Variants in GPR19 observed in about 807,000 individuals in gnomAD.
GPR19 encodes the protein G protein-coupled receptor 19.
GPR19 carries 14 observed loss-of-function variants against 28.5 expected under a neutral mutation model. The observed-to-expected ratio is 0.49, with a 90% CI of 0.32 to 0.77. The LOEUF (loss-of-function observed/expected upper bound fraction) is 0.77. Ranked by LOEUF, GPR19 falls within the 30% of genes least tolerant of loss-of-function variation. The pLI is 0.03. For missense variants in GPR19, 409 were observed against 504.1 expected (o/e 0.81, Z 1.81); for synonymous variants, 173 against 184.1 (o/e 0.94, Z 0.49).
At chr12:12,694,491 C>G (rs11615390) in intron 2 of GPR19, among the ~76,000 whole-genome samples, 1 of 151,930 alleles carries the variant, frequency 6.6e-6, no homozygotes, top group African/African-American at 2.4e-5. Flanking sequence ...CAGGCGTGAG[C>G]TACCGCGCCT....
In GPR19 at chr12:12,662,411, T is replaced by C. The variant is rs1945693001; in HGVS notation, c.38A>G (p.His13Arg). Residue 13 changes from histidine to arginine, a missense_variant, in exon 4 of 4, where the codon CAT becomes CGT. Physicochemically the swap from His to Arg is conservative, Grantham distance 29 (BLOSUM62 0). Coordinates refer to ENST00000651487, the MANE Select transcript of GPR19 (RefSeq NM_006143.3). ...CACCAGAAGTGTAGGAATAATCAAA[T>C]GTGGCTTGCTGTTATCCATTCTGTG... ...FAHRMDNSKPHLIIPTLLVPL... is the reference protein window; with the variant it reads ...FAHRMDNSKPRLIIPTLLVPL... 5 of 1,614,064 alleles carry C rather than the reference T, an allele frequency of 3.1e-6. No individual in the cohort carries two copies. The Admixed American group carries it at 8.3e-5, about 27-fold the overall frequency.
the GPR19 span, chr12:12,715,236 T>A: frequency 6.6e-6 from 1 of 152,232 alleles, no homozygotes. Context: ...ATTATCTAAT[T>A]TCTAGGGTAA....
upstream of GPR19, among the ~76,000 whole-genome samples, chr12:12,700,410 T>C: frequency 6.6e-6 from 1 of 152,112 alleles, no homozygotes; most frequent in Admixed American, 6.6e-5. Flanking sequence ...ATGTTTCCCA[T>C]ATGATGTTGC....
chr12:12,697,222 T>C (rs1946280296), upstream of GPR19, among the ~76,000 whole-genome samples: 1 of 136,026 alleles, frequency 7.4e-6, no homozygotes, highest in South Asian at 2.4e-4. Flanking sequence ...CTAGAAGCAT[T>C]AACCCAAGAA....
At chr12:12,714,753 C>T in the GPR19 span, among the ~76,000 whole-genome samples, 12 of 152,318 alleles carry the variant, frequency 7.9e-5, no homozygotes, top group South Asian at 2.5e-3. Flanking sequence ...TCTCTACGCT[C>T]CCTGTTCCTT....
the GPR19 span, among the ~76,000 whole-genome samples, chr12:12,711,863 G>A: frequency 2.0e-5 from 3 of 152,098 alleles, no homozygotes; most frequent in African/African-American, 7.2e-5. Context: ...AGCTACCTAA[G>A]TAACCACCCT....
At chr12:12,713,057 CTTTTTTTTTTTT>C in the GPR19 span, among the ~76,000 whole-genome samples, 2 of 108,088 alleles carry the variant, frequency 1.9e-5, no homozygotes, top group Non-Finnish European at 1.8e-5. Context: ...ATCTGATGCG[CTTTTTTTTTTTT>C]TTTTTTTTTT....
the GPR19 span, chr12:12,717,041 G>A: frequency 7.0e-6 from 7 of 1,005,186 alleles, no homozygotes; most frequent in African/African-American, 1.2e-4. Flanking sequence ...GCGCCGCGGC[G>A]AACCCGCCAA....
chr12:12,706,278 G>A, the GPR19 span, among the ~76,000 whole-genome samples: 3 of 152,034 alleles, frequency 2.0e-5, no homozygotes, highest in Non-Finnish European at 4.4e-5. Context: ...TTCCTCCTTG[G>A]AACACTCTCT....
upstream of GPR19, among the ~76,000 whole-genome samples, chr12:12,700,197 A>AT (rs1247518682): frequency 8.5e-5 from 12 of 141,330 alleles, no homozygotes; most frequent in Middle Eastern, 3.6e-3. Flanking sequence ...TTTATTTTTT[A>AT]TTTTTTTTGA....
rs1485756271 is a variant in GPR19 at position 12,662,488 on chromosome 12, G to GA, written c.-22-19dup. The GA allele has an allele frequency of 1.9e-6, 3 of 1,572,902 alleles. No homozygotes were observed. In the African/African-American group the frequency reaches 4.1e-5, roughly 21 times the overall value. On this transcript the variant is annotated intron_variant, in intron 3 of 3. Coordinates refer to ENST00000651487, the MANE Select transcript of GPR19 (RefSeq NM_006143.3). The stretch of plus-strand genomic sequence containing the variant: ...TCTTAATTCTGGTTGGGGAAAAGAA[G>GA]AATGAGGCCTCCTGTTAAAAAGGTG...
At chr12:12,680,915 C>T (rs987862551) in intron 3 of GPR19, among the ~76,000 whole-genome samples, 4 of 152,150 alleles carry the variant, frequency 2.6e-5, no homozygotes, top group South Asian at 2.1e-4. Flanking sequence ...CCTAGAACTC[C>T]GGACCTTAAG....
intron 2 of GPR19, among the ~76,000 whole-genome samples, chr12:12,691,778 T>C (rs1218432847): frequency 6.6e-6 from 1 of 152,148 alleles, no homozygotes; most frequent in Non-Finnish European, 1.5e-5. Context: ...CCACCTAATT[T>C]TCATTTTCCA....
At chr12:12,695,833 T>C (rs1057166234) in intron 1 of GPR19, among the ~76,000 whole-genome samples, 7 of 152,230 alleles carry the variant, frequency 4.6e-5, no homozygotes, top group African/African-American at 1.7e-4. Context: ...CATTTATCTC[T>C]CAAATCTTCC....
chr12:12,687,289 G>A (rs1284128011), intron 2 of GPR19, among the ~76,000 whole-genome samples: 1 of 152,170 alleles, frequency 6.6e-6, no homozygotes, highest in Non-Finnish European at 1.5e-5. Context: ...TGTTTTGAAA[G>A]CCAGTCTCTA....
At chr12:12,666,535 A>C (rs1411551032) in intron 3 of GPR19, among the ~76,000 whole-genome samples, 1 of 152,182 alleles carries the variant, frequency 6.6e-6, no homozygotes, top group Non-Finnish European at 1.5e-5. Flanking sequence ...CAAAGTTCCC[A>C]GGTGATCCTG....
intron 3 of GPR19, among the ~76,000 whole-genome samples, chr12:12,673,780 T>G (rs1430664597): frequency 6.6e-6 from 1 of 152,196 alleles, no homozygotes; most frequent in Admixed American, 6.5e-5. Context: ...CAGGGCATTG[T>G]AGGGCATGGT....
At chr12:12,669,676 A>C (rs1945830461) in intron 3 of GPR19, among the ~76,000 whole-genome samples, 2 of 152,102 alleles carry the variant, frequency 1.3e-5, no homozygotes, top group South Asian at 2.1e-4. Flanking sequence ...CCAAAAATTG[A>C]AGTTTTGTTT....
chr12:12,685,406 C>T (rs189377287), intron 2 of GPR19, among the ~76,000 whole-genome samples: 26 of 152,208 alleles, frequency 1.7e-4, no homozygotes, highest in Non-Finnish European at 3.4e-4. Flanking sequence ...TAGCCCCATC[C>T]CTAGGCCTCA....
Sources: allele counts gnomAD v4.1 joint callset (sites outside exome capture counted in the v4.1 genomes callset), GRCh38; gene constraint gnomAD v4.1.1; transcripts MANE v1.5; gene names NCBI Gene and HGNC (gene_info 2026-07-23, HGNC 2026-07-21).